NF1: variants seen among roughly 807,000 people sequenced by gnomAD.
NF1 encodes neurofibromin.
A neutral mutation model predicts 325.7 loss-of-function variants in NF1; 122 were observed. The observed-to-expected ratio is 0.37, with a 90% CI of 0.32 to 0.44. The LOEUF is 0.44. Ranked by LOEUF, NF1 falls within the 20% of genes least tolerant of loss-of-function variation. The pLI is 1.00. For missense variants in NF1, 2,140 were observed against 3,415.4 expected, an observed-to-expected ratio of 0.63 and a Z score of 9.31; for synonymous variants, 1,091 against 1,186.0, an observed-to-expected ratio of 0.92 and a Z score of 1.65.
intron 1 of NF1, among the ~76,000 whole-genome samples, chr17:31,126,081 G>A (rs181745151): frequency 3.3e-5 from 5 of 152,204 alleles, no homozygotes; most frequent in Admixed American, 2.6e-4. Flanking sequence ...CTAGCTACTC[G>A]GGAGGCTAAG....
At chr17:31,145,237 G>T (rs966636607) in intron 1 of NF1, among the ~76,000 whole-genome samples, 1 of 152,172 alleles carries the variant, frequency 6.6e-6, no homozygotes, top group African/African-American at 2.4e-5. Flanking sequence ...CTGTTGCCCA[G>T]ACTGGAGTGC....
Position 31,283,430 on chromosome 17 carries a change from A to C in NF1, c.4835+18091A>C, listed in dbSNP as rs572034394. Reference sequence around the variant, plus strand: ...AGACTCCATCTCAAAAAAACAAACAAAAAAAAACACTAATTACCAGTTTTT... The same window carrying C: ...AGACTCCATCTCAAAAAAACAAACACAAAAAAACACTAATTACCAGTTTTT... On this transcript the variant is annotated intron_variant, in intron 36 of 57. Coordinates refer to ENST00000358273, the MANE Select transcript of NF1 (RefSeq NM_001042492.3). Among the ~76,000 whole-genome samples, 222 of 145,882 alleles carry C rather than the reference A, an allele frequency of 1.5e-3. 1 individual carries two copies. The highest frequency in any genetic ancestry group is 1.8e-3 in the Non-Finnish European group (121 of 66,698).
intron 35 of NF1, among the ~76,000 whole-genome samples, chr17:31,264,763 C>T (rs1009591508): frequency 1.4e-4 from 22 of 152,036 alleles, no homozygotes; most frequent in Non-Finnish European, 2.5e-4. Flanking sequence ...TATTCAGAAT[C>T]GAGATTAGGA....
chr17:31,372,914 G>A (rs540241181), intron 57 of NF1, among the ~76,000 whole-genome samples: 4 of 152,146 alleles, frequency 2.6e-5, no homozygotes, highest in Non-Finnish European at 5.9e-5. Flanking sequence ...TGTTTGGGAG[G>A]CTGAGGCGAG....
chr17:31,326,298 A>T (rs2151539286), intron 37 of NF1, 46 bp downstream of exon 37: 1 of 1,561,926 alleles, frequency 6.4e-7, no homozygotes, highest in Non-Finnish European at 8.7e-7. Context: ...GCTTTTCTTG[A>T]CTAACTAGAC....
intron 49 of NF1, among the ~76,000 whole-genome samples, chr17:31,349,817 G>T (rs564194146): frequency 6.6e-6 from 1 of 152,018 alleles, no homozygotes; most frequent in Non-Finnish European, 1.5e-5. Flanking sequence ...TACAATTCTT[G>T]AACATAGTTG....
intron 1 of NF1, among the ~76,000 whole-genome samples, chr17:31,096,064 T>TA (rs1161576360): frequency 6.6e-6 from 1 of 151,934 alleles, no homozygotes. Context: ...CTTTTTTTTT[T>TA]ATTGCCGTTT....
chr17:31,265,702 A>G (rs1185798872), intron 36 of NF1, among the ~76,000 whole-genome samples: 1 of 152,198 alleles, frequency 6.6e-6, no homozygotes, highest in Non-Finnish European at 1.5e-5. Flanking sequence ...AGGAAGAAAT[A>G]AAACTATAAG....
In NF1 at chr17:31,334,960, A is replaced by G. The variant is rs775480099; in HGVS notation, c.5935A>G (p.Ile1979Val). The G allele has an allele frequency of 6.2e-7, 1 of 1,613,790 alleles. No individual in the cohort carries two copies. The highest frequency in any genetic ancestry group is 8.5e-7 in the Non-Finnish European group (1 of 1,179,950). ...QRVTAILDKL[I>V]TMTINEKQMY... ...AGTTACTGCTATTCTTGACAAGCTG[A>G]TAACAATGACCATCAATGAAAAACA... The change falls in exon 40 of 58, where the codon ATA becomes GTA. Residue 1979 changes from isoleucine to valine, a missense_variant. Physicochemically the swap from Ile to Val is conservative, Grantham distance 29. This residue lies in a region of NF1 where 180 missense variants were observed against 435.1 expected (regional missense o/e 0.41). Coordinates refer to ENST00000358273, the MANE Select transcript of NF1 (RefSeq NM_001042492.3).
chr17:31,222,549 C>G, intron 15 of NF1: 1 of 1,023,124 alleles, frequency 9.8e-7, no homozygotes, highest in Non-Finnish European at 1.2e-6. Context: ...AAACCTTACT[C>G]TAGAGTAGTG....
intron 5 of NF1, among the ~76,000 whole-genome samples, chr17:31,173,030 CCAG>C (rs1488936995): frequency 6.6e-6 from 1 of 152,012 alleles, no homozygotes; most frequent in Admixed American, 6.6e-5. Context: ...ACCTGTAATC[CCAG>C]CACTTTGTTA....
At chr17:31,340,850 AAAAAAAAAAAC>A (rs890345985) in intron 47 of NF1, among the ~76,000 whole-genome samples, 1 of 151,300 alleles carries the variant, frequency 6.6e-6, no homozygotes, top group Non-Finnish European at 1.5e-5. Flanking sequence ...AAAATAGCAA[AAAAAAAAAAAC>A]AAAAAAAAAA....
intron 29 of NF1, among the ~76,000 whole-genome samples, chr17:31,242,313 T>C (rs12950611): frequency 2.6e-4 from 35 of 132,254 alleles, no homozygotes; most frequent in Admixed American, 1.1e-3. Context: ...CTCTTTTTTT[T>C]TTTTTTTTTT....
chr17:31,235,518 A>G, intron 27 of NF1, 93 bp from the exon 28 acceptor site: 1 of 1,367,412 alleles, frequency 7.3e-7, no homozygotes, highest in South Asian at 1.2e-5. Context: ...AGTGGTTGTC[A>G]ACTTTGGGTT....
At chr17:31,372,293 C>G (rs537912786) in intron 57 of NF1, among the ~76,000 whole-genome samples, 1 of 152,234 alleles carries the variant, frequency 6.6e-6, no homozygotes, top group Non-Finnish European at 1.5e-5. Context: ...TTTTCCTACT[C>G]CAAAAATTGT....
In NF1 at chr17:31,336,968, C is replaced by T. The variant is rs2151555403; in HGVS notation, c.6427+54C>T. The T allele has an allele frequency of 6.4e-7, 1 of 1,552,568 alleles. No individual in the cohort carries two copies. The highest frequency in any genetic ancestry group is 8.8e-7 in the Non-Finnish European group (1 of 1,136,470). On this transcript the variant is annotated intron_variant, in intron 42 of 57. Coordinates refer to ENST00000358273, the MANE Select transcript of NF1 (RefSeq NM_001042492.3). The surrounding 1 kb of genome is among the most constrained non-coding windows in gnomAD (Gnocchi z 5.5). ...ACCAGTTCCTTTCTCCATTTTACTT[C>T]ACCTGATCAATATAGATTATCTTAT...
chr17:31,354,445 A>G (rs961942904), intron 51 of NF1, among the ~76,000 whole-genome samples: 2 of 152,166 alleles, frequency 1.3e-5, no homozygotes, highest in Admixed American at 6.5e-5. Flanking sequence ...ATGAGATGAG[A>G]AGAAGGACTA....
intron 45 of NF1, 33 bp from the exon 46 acceptor site, chr17:31,338,671 A>G (rs748807384): frequency 7.4e-7 from 1 of 1,347,162 alleles, no homozygotes; most frequent in Non-Finnish European, 1.1e-6. Flanking sequence ...TATTTCAATG[A>G]AAGTAAAATA....
chr17:31,188,458 G>GT (rs1371895654), intron 8 of NF1, among the ~76,000 whole-genome samples: 3 of 152,108 alleles, frequency 2.0e-5, no homozygotes, highest in Non-Finnish European at 2.9e-5. Context: ...TGTGTTTCTG[G>GT]TTGTACGAAG....
Sources: gnomAD v4.1 joint callset for allele counts (sites outside exome capture counted in the v4.1 genomes callset) on GRCh38, gnomAD v4.1.1 for gene constraint, gnomAD v4.1.1 regional missense constraint, Gnocchi (gnomAD v3.1) non-coding constraint, MANE v1.5 for transcripts, NCBI Gene and HGNC (gene_info 2026-07-23, HGNC 2026-07-21) for gene names.